CPEB3: variants seen among roughly 807,000 people sequenced by gnomAD.
CPEB3 encodes the protein cytoplasmic polyadenylation element binding protein 3.
CPEB3 carries 20 observed loss-of-function variants against 67.2 expected under a neutral mutation model. That is an observed-to-expected ratio of 0.30 (90% confidence interval 0.21 to 0.43). CPEB3 has a LOEUF of 0.43. Ranked by LOEUF, CPEB3 falls within the 20% of genes least tolerant of loss-of-function variation. CPEB3 has a pLI of 1.00. For synonymous variants in CPEB3, 376 were observed against 393.1 expected, an observed-to-expected ratio of 0.96 and a Z score of 0.51; for missense variants, 746 against 968.6, an observed-to-expected ratio of 0.77 and a Z score of 3.05.
At chr10:92,108,517 T>A (rs1043530976) in intron 7 of CPEB3, among the ~76,000 whole-genome samples, 1 of 151,838 alleles carries the variant, frequency 6.6e-6, no homozygotes, top group Non-Finnish European at 1.5e-5. Context: ...GCCAAAAGAG[T>A]AGAACCCAAA....
rs1053472510 is a variant in CPEB3 at position 92,288,467 on chromosome 10, A to C, written c.-12+2459T>G. On this transcript the variant is annotated intron_variant, in intron 1 of 9. Transcript: ENST00000265997. ...GAGACTCTGTCTCAAAAAAAAAAAA[A>C]AAAAACCCAGAATAATGCTGCTATG... Among the ~76,000 whole-genome samples, 22 of 152,036 alleles carry C rather than the reference A, an allele frequency of 1.4e-4. No individual in the cohort carries two copies. The East Asian group carries it at 3.7e-3, about 25-fold the overall frequency.
At chr10:92,198,003 G>A (rs1224946831) in intron 2 of CPEB3, among the ~76,000 whole-genome samples, 1 of 152,208 alleles carries the variant, frequency 6.6e-6, no homozygotes, top group African/African-American at 2.4e-5. Context: ...CTACTTGGGA[G>A]GCTGAAGCAG....
chr10:92,156,975 T>C (rs1015983668), intron 4 of CPEB3, among the ~76,000 whole-genome samples: 8 of 152,214 alleles, frequency 5.3e-5, no homozygotes, highest in Non-Finnish European at 1.2e-4. Context: ...TTTAGCATCA[T>C]TATCTTCTCT....
At chr10:92,173,349 A>G (rs1848090331) in intron 4 of CPEB3, among the ~76,000 whole-genome samples, 1 of 152,172 alleles carries the variant, frequency 6.6e-6, no homozygotes, top group South Asian at 2.1e-4. Context: ...AAATACAAAG[A>G]ACTTCTTCCA....
intron 2 of CPEB3, among the ~76,000 whole-genome samples, chr10:92,196,981 T>G (rs1849273117): frequency 6.6e-6 from 1 of 151,618 alleles, no homozygotes; most frequent in Non-Finnish European, 1.5e-5. Flanking sequence ...GTTTCTTCAG[T>G]ACTAAATACA....
chr10:92,176,897 G>T (rs1848245763), intron 4 of CPEB3, among the ~76,000 whole-genome samples: 1 of 152,236 alleles, frequency 6.6e-6, no homozygotes, highest in African/African-American at 2.4e-5. Context: ...GCCCAAGACG[G>T]CTTTGAATGT....
intron 1 of CPEB3, among the ~76,000 whole-genome samples, chr10:92,274,864 G>A (rs1841907397): frequency 6.6e-6 from 1 of 152,112 alleles, no homozygotes; most frequent in Non-Finnish European, 1.5e-5. Flanking sequence ...AGTTCCTTCT[G>A]AGGAGTTGCC....
rs1848125035 is a variant in CPEB3 at position 92,174,174 on chromosome 10, C to T, written c.1222+6789G>A. On this transcript the variant is annotated intron_variant, in intron 4 of 9. Coordinates refer to ENST00000265997, the MANE Select transcript of CPEB3 (RefSeq NM_014912.5). ...TTTATTCCCATTCTGGCATCAGGTG[C>T]TCAGCTCCCTCTCTGCCACTTCCTC... is the stretch of plus-strand genomic sequence containing the variant. 6.6e-5 allele frequency among the ~76,000 whole-genome samples: 10 copies of T among 152,328 alleles called. No homozygotes were observed. In the South Asian group the frequency reaches 2.1e-3, roughly 32 times the overall value.
intron 1 of CPEB3, among the ~76,000 whole-genome samples, chr10:92,263,853 T>G (rs957042526): frequency 6.6e-6 from 1 of 152,128 alleles, no homozygotes; most frequent in Admixed American, 6.6e-5. Context: ...TAAAAATTTG[T>G]GTATTGAGAG....
At chr10:92,206,428 T>C (rs893114487) in intron 2 of CPEB3, among the ~76,000 whole-genome samples, 1 of 152,134 alleles carries the variant, frequency 6.6e-6, no homozygotes, top group Admixed American at 6.6e-5. Flanking sequence ...GTAATCTCTA[T>C]GTACTCTTTT....
At chr10:92,177,213 G>A (rs1170270209) in intron 4 of CPEB3, among the ~76,000 whole-genome samples, 9 of 152,298 alleles carry the variant, frequency 5.9e-5, no homozygotes, top group African/African-American at 1.9e-4. Context: ...TTATGCAAAC[G>A]TCGAGTGTTT....
chr10:92,099,695 A>G (rs1844078429), intron 7 of CPEB3, among the ~76,000 whole-genome samples: 1 of 150,820 alleles, frequency 6.6e-6, no homozygotes, highest in African/African-American at 2.4e-5. Context: ...TTCTACTAAA[A>G]AAAAAAAAAA....
intron 6 of CPEB3, among the ~76,000 whole-genome samples, chr10:92,112,049 A>G (rs1286858943): frequency 6.6e-6 from 1 of 152,022 alleles, no homozygotes; most frequent in Non-Finnish European, 1.5e-5. Context: ...TTAATTCCAT[A>G]AGATTTACCG....
At chr10:92,228,779 TCTCGGCTCACTGCAAC>T (rs1174628185) in intron 2 of CPEB3, among the ~76,000 whole-genome samples, 1 of 151,634 alleles carries the variant, frequency 6.6e-6, no homozygotes, top group East Asian at 1.9e-4. Context: ...AGTGGTGCAA[TCTCGGCTCACTGCAAC>T]CTCCACCTCC....
intron 4 of CPEB3, among the ~76,000 whole-genome samples, chr10:92,162,273 G>A (rs1349972439): frequency 1.3e-5 from 2 of 151,986 alleles, no homozygotes; most frequent in South Asian, 2.1e-4. Flanking sequence ...AACCAGAGAG[G>A]AGCCTAAGGG....
chr10:92,093,173 A>T (rs1843693459), intron 7 of CPEB3, among the ~76,000 whole-genome samples: 2 of 152,210 alleles, frequency 1.3e-5, no homozygotes, highest in African/African-American at 4.8e-5. Flanking sequence ...GCAGGTAGCC[A>T]ATATGCTCTG....
intron 9 of CPEB3, among the ~76,000 whole-genome samples, chr10:92,061,441 A>C (rs2995548): frequency 0.7 from 98,828 of 140,682 alleles, 35,181 homozygotes; most frequent in East Asian, 0.77. Context: ...AAAAAAAAAA[A>C]AACATATGAA....
chr10:92,194,380 C>T (rs1849132004), intron 2 of CPEB3, among the ~76,000 whole-genome samples: 1 of 151,646 alleles, frequency 6.6e-6, no homozygotes, highest in Admixed American at 6.6e-5. Context: ...CAGAGGTTGC[C>T]GTGAGCTGAG....
chr10:92,196,013 G>A (rs1302492157), intron 2 of CPEB3, among the ~76,000 whole-genome samples: 1 of 152,158 alleles, frequency 6.6e-6, no homozygotes, highest in Non-Finnish European at 1.5e-5. Flanking sequence ...AATAAAACAG[G>A]ATTTTGGGAG....
Sources: gnomAD v4.1 joint callset for allele counts (sites outside exome capture counted in the v4.1 genomes callset) on GRCh38, gnomAD v4.1.1 for gene constraint, MANE v1.5 for transcripts, NCBI Gene and HGNC (gene_info 2026-07-23, HGNC 2026-07-21) for gene names.